ALCAM: variants seen among roughly 807,000 people sequenced by gnomAD.
ALCAM encodes CD166 antigen.
In ALCAM, 30 loss-of-function variants were observed where a neutral mutation model predicts 70.9. The ratio of observed to expected loss-of-function variants is 0.42; its 90% CI spans 0.32 to 0.57. ALCAM has a LOEUF of 0.57. Ranked by LOEUF, ALCAM falls within the 20% of genes least tolerant of loss-of-function variation. The pLI is 0.11. For synonymous variants in ALCAM, 249 were observed against 242.5 expected (o/e 1.03, Z -0.25); for missense variants, 591 against 695.1 (o/e 0.85, Z 1.68).
intron 14 of ALCAM, among the ~76,000 whole-genome samples, chr3:105,561,338 C>T (rs1436921848): frequency 6.6e-6 from 1 of 152,024 alleles, no homozygotes; most frequent in African/African-American, 2.4e-5. Flanking sequence ...AATTTTACTC[C>T]TTCCCTTCTA....
intron 1 of ALCAM, among the ~76,000 whole-genome samples, chr3:105,468,421 T>C (rs906159712): frequency 3.3e-5 from 5 of 151,334 alleles, no homozygotes; most frequent in Non-Finnish European, 7.4e-5. Context: ...AGTAAACTCT[T>C]CTTTTAATCA....
At chr3:105,545,924 C>A (rs955873314) in intron 9 of ALCAM, among the ~76,000 whole-genome samples, 27 of 151,350 alleles carry the variant, frequency 1.8e-4, no homozygotes, top group African/African-American at 6.5e-4. Context: ...AGAAAGCAAT[C>A]CCTTTTATCC....
chr3:105,421,958 C>T (rs2107417311), intron 1 of ALCAM, among the ~76,000 whole-genome samples: 1 of 151,026 alleles, frequency 6.6e-6, no homozygotes, highest in East Asian at 1.9e-4. Flanking sequence ...GTTTATTGTA[C>T]CCAATATGTA....
intron 1 of ALCAM, among the ~76,000 whole-genome samples, chr3:105,400,568 T>C (rs1406274564): frequency 6.6e-6 from 1 of 152,158 alleles, no homozygotes; most frequent in Admixed American, 6.5e-5. Flanking sequence ...ATAATAAGAA[T>C]TTTTAACATT....
chr3:105,462,718 A>T (rs986732195), intron 1 of ALCAM, among the ~76,000 whole-genome samples: 1 of 151,420 alleles, frequency 6.6e-6, no homozygotes, highest in African/African-American at 2.4e-5. Context: ...TTCAAACTCA[A>T]TATTACTTTT....
intron 1 of ALCAM, among the ~76,000 whole-genome samples, chr3:105,509,736 T>C (rs1939183992): frequency 6.6e-6 from 1 of 152,080 alleles, no homozygotes. Flanking sequence ...AATATAGTCT[T>C]ACCTGCGTAT....
At chr3:105,556,385 A>C (rs2152632972) in intron 14 of ALCAM, among the ~76,000 whole-genome samples, 1 of 152,148 alleles carries the variant, frequency 6.6e-6, no homozygotes, top group South Asian at 2.1e-4. Context: ...TCATTGTGTA[A>C]ATCTTGGAAA....
At chr3:105,560,604 T>C (rs1940611014) in intron 14 of ALCAM, among the ~76,000 whole-genome samples, 2 of 152,182 alleles carry the variant, frequency 1.3e-5, no homozygotes, top group Admixed American at 1.3e-4. Flanking sequence ...ATGAAATCTT[T>C]GCTTATCCCA....
At chr3:105,426,849 G>T (rs1332276879) in intron 1 of ALCAM, among the ~76,000 whole-genome samples, 3 of 151,676 alleles carry the variant, frequency 2.0e-5, no homozygotes, top group Non-Finnish European at 1.5e-5. Context: ...ACAACAAAAA[G>T]GAATCATAGG....
intron 1 of ALCAM, among the ~76,000 whole-genome samples, chr3:105,431,979 G>A (rs1380014288): frequency 1.3e-5 from 2 of 152,114 alleles, no homozygotes; most frequent in East Asian, 3.9e-4. Context: ...AAGATTTCAT[G>A]CAGCAAAACT....
chr3:105,564,803 C>T (rs959996443), intron 14 of ALCAM, among the ~76,000 whole-genome samples: 1 of 152,096 alleles, frequency 6.6e-6, no homozygotes, highest in Non-Finnish European at 1.5e-5. Flanking sequence ...CCCACCACTT[C>T]GGGAGGCCGA....
In ALCAM at chr3:105,551,186, C is replaced by T. The variant is rs16851287; in HGVS notation, c.1507+927C>T. Among the ~76,000 whole-genome samples, 457 of 151,654 alleles carry T rather than the reference C, an allele frequency of 3.0e-3. 8 individuals carry two copies. The highest frequency in any genetic ancestry group is 0.025 in the Admixed American group (385 of 15,172). On this transcript the variant is annotated intron_variant, in intron 12 of 15. Transcript: ENST00000306107. ...CAGATTATGACTGGAATATAAAGGC[C>T]TAATGGATTGACAGGATAAAAGAAC...
At chr3:105,413,293 T>C (rs1400038581) in intron 1 of ALCAM, among the ~76,000 whole-genome samples, 1 of 152,176 alleles carries the variant, frequency 6.6e-6, no homozygotes, top group African/African-American at 2.4e-5. Context: ...GTAATTATTA[T>C]ATATGATTTA....
At chr3:105,557,850 T>C (rs1576240934) in intron 14 of ALCAM, among the ~76,000 whole-genome samples, 1 of 152,266 alleles carries the variant, frequency 6.6e-6, no homozygotes, top group East Asian at 1.9e-4. Context: ...TCTAAAGACA[T>C]AAAATTTTCA....
chr3:105,374,505 G>A (rs1431739458), intron 1 of ALCAM, among the ~76,000 whole-genome samples: 1 of 151,986 alleles, frequency 6.6e-6, no homozygotes, highest in Non-Finnish European at 1.5e-5. Flanking sequence ...ATAATGTGAT[G>A]CTTGTTTTTT....
chr3:105,415,790 A>G (rs949989196), intron 1 of ALCAM, among the ~76,000 whole-genome samples: 1 of 152,108 alleles, frequency 6.6e-6, no homozygotes, highest in Admixed American at 6.6e-5. Flanking sequence ...CCATAAATGA[A>G]TATCATTACA....
At position 105,434,250 on chromosome 3, in the gene ALCAM, G is replaced by T. The variant is rs572377951; in HGVS notation, c.73+66769G>T. On this transcript the variant is annotated intron_variant, in intron 1 of 15. Transcript: ENST00000306107. ...AAGCACTCTTTATTTGTCACATTCT[G>T]TGATCATTTAGTTTGACTATAAAAT... Among the ~76,000 whole-genome samples, 424 of 152,196 alleles carry T rather than the reference G, an allele frequency of 2.8e-3. 1 individual carries two copies. The highest frequency in any genetic ancestry group is 4.8e-3 in the Non-Finnish European group (327 of 67,956).
chr3:105,403,061 C>G (rs1936130536), intron 1 of ALCAM, among the ~76,000 whole-genome samples: 1 of 151,620 alleles, frequency 6.6e-6, no homozygotes, highest in Non-Finnish European at 1.5e-5. Context: ...ATACTCCTGC[C>G]TCAGCCTCCC....
intron 1 of ALCAM, among the ~76,000 whole-genome samples, chr3:105,497,545 C>T (rs1266175378): frequency 6.6e-6 from 1 of 152,136 alleles, no homozygotes; most frequent in Non-Finnish European, 1.5e-5. Context: ...CTCCTGATGT[C>T]TACATTCCTC....
Sources: allele counts gnomAD v4.1 joint callset (sites outside exome capture counted in the v4.1 genomes callset), GRCh38; gene constraint gnomAD v4.1.1; transcripts MANE v1.5; gene names NCBI Gene and HGNC (gene_info 2026-07-23, HGNC 2026-07-21).